Variants in RBPJ observed in about 807,000 individuals in gnomAD.
RBPJ encodes recombining binding protein suppressor of hairless.
A neutral mutation model predicts 67.8 loss-of-function variants in RBPJ; 9 were observed. The ratio of observed to expected loss-of-function variants is 0.13; its 90% CI spans 0.08 to 0.23. The LOEUF (loss-of-function observed/expected upper bound fraction) is 0.23. Ranked by LOEUF, RBPJ falls within the 10% of genes least tolerant of loss-of-function variation. The probability of loss-of-function intolerance (pLI) is 1.00; values close to 1 mark genes in which losing one functional copy is unlikely to be tolerated. For synonymous variants in RBPJ, 198 were observed against 203.3 expected (o/e 0.97, Z 0.22); for missense variants, 305 against 595.6 (o/e 0.51, Z 5.08).
intron 1 of RBPJ, among the ~76,000 whole-genome samples, chr4:26,235,715 G>A (rs748769045): frequency 6.6e-6 from 1 of 152,210 alleles, no homozygotes; most frequent in Non-Finnish European, 1.5e-5. Flanking sequence ...CCTGCTCCCA[G>A]TGTAAACCAT....
chr4:26,236,573 T>A (rs530800357), intron 1 of RBPJ, among the ~76,000 whole-genome samples: 3 of 152,280 alleles, frequency 2.0e-5, no homozygotes, highest in African/African-American at 7.2e-5. Flanking sequence ...ACAGTACTGC[T>A]TGAGTGTCTT....
intron 1 of RBPJ, among the ~76,000 whole-genome samples, chr4:26,308,414 A>C (rs1309739892): frequency 1.3e-5 from 2 of 152,274 alleles, no homozygotes; most frequent in African/African-American, 4.8e-5. Flanking sequence ...ATTAGAAATT[A>C]CCTTAAGAGA....
rs1454178690 is a variant in RBPJ at position 26,214,493 on chromosome 4, GAGGGAGGGAGGGAAGGAGGA to G, written c.-167+50913_-167+50932del. On this transcript the variant is annotated intron_variant, in intron 1 of 4. Coordinates refer to the RBPJ transcript ENST00000512351. ...GAAGAAAGAGAAACAAGGAGGGAAG[GAGGGAGGGAGGGAAGGAGGA>G]AGGGAGGGAGGGAAGGAGGAAGGGA... is the stretch of plus-strand genomic sequence containing the variant. 4.4e-3 allele frequency among the ~76,000 whole-genome samples: 359 copies of G among 81,712 alleles called. 3 individuals are homozygous for G. The highest frequency in any genetic ancestry group is 0.015 in the African/African-American group (320 of 20,718). The allele number at this position is 81,712 out of a possible 152,430, so 53.6% of individuals were successfully genotyped here.
the RBPJ span, among the ~76,000 whole-genome samples, chr4:26,134,693 G>A: frequency 2.6e-5 from 4 of 152,158 alleles, no homozygotes; most frequent in Non-Finnish European, 5.9e-5. Flanking sequence ...AGAAATGGAA[G>A]CTACCCTTTG....
the RBPJ span, among the ~76,000 whole-genome samples, chr4:26,141,654 A>T: frequency 1.3e-5 from 2 of 152,200 alleles, no homozygotes; most frequent in African/African-American, 4.8e-5. Context: ...TGTTGGCAAC[A>T]TTCAAGTCTT....
At chr4:26,415,963 A>G (rs1051965687) in intron 4 of RBPJ, among the ~76,000 whole-genome samples, 11 of 152,132 alleles carry the variant, frequency 7.2e-5, no homozygotes, top group Admixed American at 2.0e-4. Context: ...ACAGAGGTTT[A>G]TCAACAAAAA....
Position 26,342,738 on chromosome 4 carries a change from T to C in RBPJ, c.20+21690T>C, listed in dbSNP as rs73113396. Reference sequence around the variant, plus strand: ...AAGGGTTTGTGCAAAAAACACAGGTTGCTAGTCATGAAACACATTCTGTTC... The same window carrying C: ...AAGGGTTTGTGCAAAAAACACAGGTCGCTAGTCATGAAACACATTCTGTTC... On this transcript the variant is annotated intron_variant, in intron 1 of 10. Coordinates refer to ENST00000355476, the MANE Select transcript of RBPJ (RefSeq NM_015874.6). Among the ~76,000 whole-genome samples the C allele has an allele frequency of 2.8e-3, 422 of 152,354 alleles. 1 individual carries two copies. The highest frequency in any genetic ancestry group is 9.8e-3 in the African/African-American group (406 of 41,580).
chr4:26,219,588 C>T (rs190035913), intron 1 of RBPJ, among the ~76,000 whole-genome samples: 3 of 152,252 alleles, frequency 2.0e-5, no homozygotes, highest in East Asian at 1.9e-4. Context: ...AAAAAGTGAA[C>T]GTGAACTCTT....
chr4:26,215,228 AAAGAG>A (rs1718653927), intron 1 of RBPJ, among the ~76,000 whole-genome samples: 1 of 14,188 alleles, frequency 7.0e-5, no homozygotes, highest in Admixed American at 1.0e-3. Flanking sequence ...AAAAGAGAGA[AAAGAG>A]AGAAAGAAAG....
rs1732340244 is a variant in RBPJ at position 26,398,082 on chromosome 4, G to A, written c.60-8093G>A. 2.6e-5 allele frequency among the ~76,000 whole-genome samples: 4 copies of A among 152,144 alleles called. No individual in the cohort carries two copies. In the South Asian group the frequency reaches 8.3e-4, roughly 32 times the overall value. On this transcript the variant is annotated intron_variant, in intron 2 of 10. Coordinates refer to ENST00000355476, the MANE Select transcript of RBPJ (RefSeq NM_015874.6). ...TTCACGAGTGATATTGTGTGTGTGT[G>A]TGTGTGTGTGTGATTACTTTGAAAA...
chr4:26,341,011 A>C (rs756575366), intron 1 of RBPJ, among the ~76,000 whole-genome samples: 2 of 152,214 alleles, frequency 1.3e-5, no homozygotes, highest in Non-Finnish European at 2.9e-5. Flanking sequence ...AGCTGGATAT[A>C]AAGTTTGGAG....
intron 1 of RBPJ, among the ~76,000 whole-genome samples, chr4:26,310,764 G>T (rs991404071): frequency 1.1e-4 from 17 of 151,600 alleles, no homozygotes; most frequent in African/African-American, 4.1e-4. Flanking sequence ...CCGCCTCCCG[G>T]GCTCAAGTGA....
intron 1 of RBPJ, among the ~76,000 whole-genome samples, chr4:26,195,140 G>C (rs1400486565): frequency 1.3e-5 from 2 of 152,200 alleles, no homozygotes. Context: ...AGGTCAAGGT[G>C]GGAGGATCCC....
At chr4:26,127,914 C>T in the RBPJ span, among the ~76,000 whole-genome samples, 1 of 152,232 alleles carries the variant, frequency 6.6e-6, no homozygotes, top group East Asian at 1.9e-4. Flanking sequence ...AAACATGCCA[C>T]CCATTGATTC....
intron 1 of RBPJ, among the ~76,000 whole-genome samples, chr4:26,339,026 G>T (rs1331207241): frequency 6.6e-6 from 1 of 151,122 alleles, no homozygotes; most frequent in African/African-American, 2.4e-5. Flanking sequence ...TTGCCATGTT[G>T]CCCAGGCTGG....
intron 1 of RBPJ, among the ~76,000 whole-genome samples, chr4:26,293,657 A>T (rs1230825469): frequency 6.6e-6 from 1 of 151,076 alleles, no homozygotes; most frequent in Non-Finnish European, 1.5e-5. Context: ...ATAAAAAAAT[A>T]AAAAGCACAG....
At chr4:26,207,441 G>A (rs191854863) in intron 1 of RBPJ, among the ~76,000 whole-genome samples, 7 of 152,310 alleles carry the variant, frequency 4.6e-5, no homozygotes, top group African/African-American at 1.7e-4. Flanking sequence ...ACACACACAC[G>A]GTGGTGTTAG....
At position 26,387,995 on chromosome 4, in the gene RBPJ, A is replaced by G. The variant is rs143679164; in HGVS notation, c.59+1604A>G. Among the ~76,000 whole-genome samples, 401 of 152,304 alleles carry G rather than the reference A, an allele frequency of 2.6e-3. 3 individuals are homozygous for G. Among genetic ancestry groups the G allele is most frequent in the African/African-American group, 9.4e-3 (389 of 41,552 alleles). The stretch of plus-strand genomic sequence containing the variant: ...GTACCAGAACACAGCTCAAGAATAC[A>G]GGAATAGAAAAATATCCAGCACTCC... On this transcript the variant is annotated intron_variant, in intron 2 of 10. Coordinates refer to ENST00000355476, the MANE Select transcript of RBPJ (RefSeq NM_015874.6).
chr4:26,334,189 C>T (rs1342811727), intron 1 of RBPJ, among the ~76,000 whole-genome samples: 1 of 151,918 alleles, frequency 6.6e-6, no homozygotes, highest in Non-Finnish European at 1.5e-5. Context: ...TATAGGCGCC[C>T]ACCACAATGC....
Sources: allele counts gnomAD v4.1 joint callset (sites outside exome capture counted in the v4.1 genomes callset), GRCh38; gene constraint gnomAD v4.1.1; transcripts MANE v1.5; gene names NCBI Gene and HGNC (gene_info 2026-07-23, HGNC 2026-07-21).